The following RASSF5 variants were observed in gnomAD, a reference collection of about 807,000 sequenced individuals.
The protein encoded by RASSF5 is Ras association domain family member 5.
A neutral mutation model predicts 40.5 loss-of-function variants in RASSF5; 25 were observed. The ratio of observed to expected loss-of-function variants is 0.62; its 90% CI spans 0.45 to 0.86. The LOEUF (loss-of-function observed/expected upper bound fraction) is 0.86. Among genes scored for constraint, RASSF5 ranks in the 40% least tolerant of loss-of-function variants. RASSF5 has a pLI of 0.00. For synonymous variants in RASSF5, 246 were observed against 252.4 expected, an observed-to-expected ratio of 0.97 and a Z score of 0.24; for missense variants, 521 against 572.8, an observed-to-expected ratio of 0.91 and a Z score of 0.92.
intron 2 of RASSF5, among the ~76,000 whole-genome samples, chr1:206,561,668 T>C (rs533385925): frequency 2.1e-4 from 31 of 149,108 alleles, no homozygotes; most frequent in African/African-American, 5.4e-4. Flanking sequence ...TTTTTCTTTT[T>C]TTTTTTTTTT....
chr1:206,560,461 T>C lies in RASSF5; in HGVS notation c.579+22168T>C, dbSNP rs1453027050. Among the ~76,000 whole-genome samples the C allele has an allele frequency of 6.6e-6, 1 of 152,206 alleles. No homozygotes were observed. Among genetic ancestry groups the C allele is most frequent in the Non-Finnish European group, 1.5e-5 (1 of 68,020 alleles). ...GATGGGGGCACCAGGCCCTGGGCCC[T>C]AGCTTGGTCTCTCTTTTCAGAAAAT... On this transcript the variant is annotated intron_variant, in intron 2 of 5. Transcript: ENST00000579436. This position sits in a 1 kb window ranked among gnomAD's most constrained non-coding sequence, Gnocchi z 5.1.
intron 2 of RASSF5, among the ~76,000 whole-genome samples, chr1:206,540,768 AACTTC>A (rs1269167655): frequency 6.6e-6 from 1 of 152,142 alleles, no homozygotes; most frequent in Non-Finnish European, 1.5e-5. Context: ...GGGCTGAGCT[AACTTC>A]ATGTGCTAGT....
intron 2 of RASSF5, among the ~76,000 whole-genome samples, chr1:206,540,666 C>A (rs1364664949): frequency 6.6e-6 from 1 of 152,246 alleles, no homozygotes; most frequent in East Asian, 1.9e-4. Flanking sequence ...CTTGCCTCTT[C>A]TAAAAAGCCT....
At chr1:206,523,657 A>T (rs868906255) in intron 1 of RASSF5, among the ~76,000 whole-genome samples, 1,614 of 97,180 alleles carry the variant, frequency 0.017, 25 homozygotes, top group Middle Eastern at 0.043. Context: ...TATTTATATA[A>T]AATATATAAA....
intron 1 of RASSF5, among the ~76,000 whole-genome samples, chr1:206,519,998 C>G (rs1288223699): frequency 6.6e-6 from 1 of 152,220 alleles, no homozygotes; most frequent in Non-Finnish European, 1.5e-5. Context: ...CTTTCCCCCT[C>G]CCTTACTCTC....
intron 2 of RASSF5, among the ~76,000 whole-genome samples, chr1:206,575,649 A>G (rs1192301767): frequency 1.3e-5 from 2 of 152,214 alleles, no homozygotes; most frequent in Non-Finnish European, 2.9e-5. Context: ...AAGAGGAAGC[A>G]ATGATGAGAA....
Position 206,560,547 on chromosome 1 carries a change from T to C in RASSF5, c.579+22254T>C, listed in dbSNP as rs1176152961. On this transcript the variant is annotated intron_variant, in intron 2 of 5. Coordinates refer to ENST00000579436, the MANE Select transcript of RASSF5 (RefSeq NM_182663.4). The surrounding 1 kb of genome is among the most constrained non-coding windows in gnomAD (Gnocchi z 5.1). ...GGGCCGGGGACTTGGTTTTGAATCA[T>C]ACCACAGTTTTAGGAGGCTGAGGCA... 5.9e-5 allele frequency among the ~76,000 whole-genome samples: 9 copies of C among 152,228 alleles called. No homozygotes were observed. Among genetic ancestry groups the C allele is most frequent in the African/African-American group, 2.2e-4 (9 of 41,456 alleles).
chr1:206,511,746 C>G (rs1015127214), intron 1 of RASSF5, among the ~76,000 whole-genome samples: 2 of 152,300 alleles, frequency 1.3e-5, no homozygotes, highest in Admixed American at 1.3e-4. Flanking sequence ...TTAAGAATGG[C>G]TGATATCTCC....
At chr1:206,566,523 G>A (rs1668293585) in intron 2 of RASSF5, among the ~76,000 whole-genome samples, 1 of 152,150 alleles carries the variant, frequency 6.6e-6, no homozygotes, top group Non-Finnish European at 1.5e-5. Flanking sequence ...CTTTGCTGTG[G>A]ATGACATGCA....
At chr1:206,518,160 A>G (rs1300240006) in intron 1 of RASSF5, among the ~76,000 whole-genome samples, 1 of 152,074 alleles carries the variant, frequency 6.6e-6, no homozygotes, top group Non-Finnish European at 1.5e-5. Context: ...TATCTTATCA[A>G]GCTAAAAGCC....
chr1:206,539,703 C>T (rs1667498494), intron 2 of RASSF5, among the ~76,000 whole-genome samples: 1 of 152,134 alleles, frequency 6.6e-6, no homozygotes, highest in African/African-American at 2.4e-5. Flanking sequence ...ACTGTCTACC[C>T]AGGATGGGAC....
At chr1:206,534,400 A>ATCT (rs1667328052) in intron 1 of RASSF5, among the ~76,000 whole-genome samples, 1 of 152,182 alleles carries the variant, frequency 6.6e-6, no homozygotes, top group Admixed American at 6.5e-5. Flanking sequence ...TGGCAATGTC[A>ATCT]ATATCAAGAA....
intron 1 of RASSF5, among the ~76,000 whole-genome samples, chr1:206,522,504 T>G (rs555141190): frequency 6.6e-6 from 1 of 152,300 alleles, no homozygotes; most frequent in East Asian, 1.9e-4. Context: ...TCACATTCAC[T>G]GAGGAATGAG....
chr1:206,527,887 G>A (rs1553397439), intron 1 of RASSF5, among the ~76,000 whole-genome samples: 1 of 152,110 alleles, frequency 6.6e-6, no homozygotes, highest in African/African-American at 2.4e-5. Context: ...GAGCAGCCAG[G>A]CATGATGCAT....
At position 206,548,908 on chromosome 1, in the gene RASSF5, C is replaced by T. The variant is rs373965721; in HGVS notation, c.579+10615C>T. Among the ~76,000 whole-genome samples, 24 of 152,196 alleles carry T rather than the reference C, an allele frequency of 1.6e-4. No individual in the cohort carries two copies. The South Asian group carries it at 4.6e-3, about 29-fold the overall frequency. ...TGAGACAGAGTCTCGCTCTGTTGCCCGGGCTGGAGTGCAATGGCGCGTTCT... is the reference window on the plus strand; with the variant it reads ...TGAGACAGAGTCTCGCTCTGTTGCCTGGGCTGGAGTGCAATGGCGCGTTCT... On this transcript the variant is annotated intron_variant, in intron 2 of 5. Coordinates refer to ENST00000579436, the MANE Select transcript of RASSF5 (RefSeq NM_182663.4).
intron 1 of RASSF5, among the ~76,000 whole-genome samples, chr1:206,536,698 C>T (rs894581440): frequency 2.0e-5 from 3 of 152,146 alleles, no homozygotes; most frequent in African/African-American, 7.2e-5. Context: ...AAAAGCATTT[C>T]GAGGTGCCTG....
chr1:206,585,115 C>T, intron 4 of RASSF5, 65 bp from the exon 5 acceptor site: 2 of 1,244,018 alleles, frequency 1.6e-6, no homozygotes, highest in Non-Finnish European at 2.3e-6. Context: ...CAATCCTTTC[C>T]CGCAAGCCTG....
intron 2 of RASSF5, chr1:206,557,672 G>T: frequency 6.2e-7 from 1 of 1,614,214 alleles, no homozygotes; most frequent in Non-Finnish European, 8.5e-7. Flanking sequence ...TCAGAAATGC[G>T]CAGAGCAAAC....
chr1:206,527,332 G>A (rs1382224285), intron 1 of RASSF5, among the ~76,000 whole-genome samples: 4 of 152,172 alleles, frequency 2.6e-5, no homozygotes, highest in Non-Finnish European at 5.9e-5. Context: ...GTGTCATAGG[G>A]AGGGGGTTTG....
Sources: allele counts gnomAD v4.1 joint callset (sites outside exome capture counted in the v4.1 genomes callset), GRCh38; gene constraint gnomAD v4.1.1; non-coding constraint Gnocchi (gnomAD v3.1); transcripts MANE v1.5; gene names NCBI Gene and HGNC (gene_info 2026-07-23, HGNC 2026-07-21).